CYP39A1: variants seen among roughly 807,000 people sequenced by gnomAD.
CYP39A1 encodes 24-hydroxycholesterol 7-alpha-hydroxylase.
In CYP39A1, 49 loss-of-function variants were observed where a neutral mutation model predicts 58.1. The ratio of observed to expected loss-of-function variants is 0.84; its 90% CI spans 0.67 to 1.07. The LOEUF is 1.07. Among genes scored for constraint, CYP39A1 ranks in the 50% least tolerant of loss-of-function variants. CYP39A1 has a pLI of 0.00. For missense variants in CYP39A1, 531 were observed against 539.4 expected (o/e 0.98, Z 0.16); for synonymous variants, 209 against 187.6 (o/e 1.11, Z -0.93).
intron 10 of CYP39A1, among the ~76,000 whole-genome samples, chr6:46,567,669 T>C (rs143952668): frequency 6.6e-6 from 1 of 152,152 alleles, no homozygotes; most frequent in Non-Finnish European, 1.5e-5. Flanking sequence ...CTAATGGATA[T>C]GCCAACTCAA....
intron 10 of CYP39A1, among the ~76,000 whole-genome samples, chr6:46,558,686 T>C (rs147112018): frequency 1.4e-4 from 22 of 152,104 alleles, no homozygotes; most frequent in Admixed American, 1.1e-3. Context: ...ATTTAGATTA[T>C]AGCATGCATT....
At chr6:46,577,674 G>A (rs1090733) in intron 10 of CYP39A1, among the ~76,000 whole-genome samples, 9,052 of 151,944 alleles carry the variant, frequency 0.06, 636 homozygotes, top group African/African-American at 0.17. Flanking sequence ...TGCTCAAAAA[G>A]GACAAAGAAG....
intron 10 of CYP39A1, among the ~76,000 whole-genome samples, chr6:46,556,500 A>G (rs529317323): frequency 2.0e-5 from 3 of 152,280 alleles, no homozygotes; most frequent in African/African-American, 7.2e-5. Context: ...ACTGAGACGG[A>G]AAAAGAACCA....
intron 10 of CYP39A1, among the ~76,000 whole-genome samples, chr6:46,585,134 AT>A (rs1772391178): frequency 1.3e-5 from 2 of 152,106 alleles, no homozygotes; most frequent in African/African-American, 4.8e-5. Flanking sequence ...ACTCAAAAAA[AT>A]GTCTGTTAGC....
intron 5 of CYP39A1, among the ~76,000 whole-genome samples, chr6:46,631,619 C>G (rs560432137): frequency 6.6e-6 from 1 of 152,188 alleles, no homozygotes; most frequent in Non-Finnish European, 1.5e-5. Flanking sequence ...CTGGTGCATT[C>G]AGGAGAAAAC....
intron 7 of CYP39A1, among the ~76,000 whole-genome samples, chr6:46,603,112 G>A (rs544636182): frequency 2.0e-5 from 3 of 152,154 alleles, no homozygotes; most frequent in Non-Finnish European, 4.4e-5. Flanking sequence ...TCCCCTGTAT[G>A]CAGCCATAGC....
intron 10 of CYP39A1, among the ~76,000 whole-genome samples, chr6:46,566,221 A>C (rs1481097550): frequency 6.6e-6 from 1 of 152,234 alleles, no homozygotes; most frequent in Non-Finnish European, 1.5e-5. Flanking sequence ...TAAAATTTCC[A>C]TACAAATGAG....
At chr6:46,643,442 C>A (rs1357693554) in intron 1 of CYP39A1, among the ~76,000 whole-genome samples, 1 of 152,204 alleles carries the variant, frequency 6.6e-6, no homozygotes, top group Admixed American at 6.5e-5. Context: ...CATTAAGCCA[C>A]CAGAAAATGA....
intron 6 of CYP39A1, among the ~76,000 whole-genome samples, chr6:46,629,226 C>T (rs940427022): frequency 3.9e-5 from 6 of 152,266 alleles, no homozygotes; most frequent in East Asian, 3.9e-4. Context: ...TTCAGACCAG[C>T]GCCAAGAACA....
At chr6:46,594,419 G>A (rs774538977) in intron 8 of CYP39A1, among the ~76,000 whole-genome samples, 4 of 151,854 alleles carry the variant, frequency 2.6e-5, no homozygotes, top group African/African-American at 4.8e-5. Flanking sequence ...ATATTATAAA[G>A]CTACAGTAAT....
intron 7 of CYP39A1, among the ~76,000 whole-genome samples, chr6:46,622,996 G>C (rs1775063000): frequency 6.6e-6 from 1 of 152,180 alleles, no homozygotes; most frequent in South Asian, 2.1e-4. Context: ...TTATAAGAAA[G>C]TTGGGCAAAG....
chr6:46,629,950 G>T (rs1419631597), intron 6 of CYP39A1, among the ~76,000 whole-genome samples: 1 of 151,552 alleles, frequency 6.6e-6, no homozygotes, highest in Non-Finnish European at 1.5e-5. Context: ...CAGTTTTTTA[G>T]CCGGGCCCAG....
chr6:46,570,181 T>C (rs986508673), intron 10 of CYP39A1, among the ~76,000 whole-genome samples: 10 of 152,172 alleles, frequency 6.6e-5, no homozygotes, highest in Non-Finnish European at 1.3e-4. Context: ...CTATGTGTTA[T>C]CTGTTGTCCT....
At chr6:46,550,670 C>T (rs1033530) in intron 11 of CYP39A1, among the ~76,000 whole-genome samples, 12,270 of 152,160 alleles carry the variant, frequency 0.081, 834 homozygotes, top group Admixed American at 0.18. Context: ...TTTAGTTGTA[C>T]ACACCTGAAG....
intron 10 of CYP39A1, among the ~76,000 whole-genome samples, chr6:46,563,778 C>T (rs1191878911): frequency 1.3e-5 from 2 of 151,994 alleles, no homozygotes; most frequent in African/African-American, 2.4e-5. Context: ...AAAACATGGG[C>T]AAGGGGAGGA....
chr6:46,648,607 A>G (rs528764539), intron 1 of CYP39A1, among the ~76,000 whole-genome samples: 1 of 152,102 alleles, frequency 6.6e-6, no homozygotes, highest in Non-Finnish European at 1.5e-5. Context: ...AACATGGCAC[A>G]TGTATACATA....
chr6:46,588,064 CT>C lies in CYP39A1; in HGVS notation c.1130del (p.Lys377SerfsTer19). 6.3e-7 allele frequency: 1 copy of C among 1,588,908 alleles called. No individual in the cohort carries two copies. Among genetic ancestry groups the C allele is most frequent in the Non-Finnish European group, 8.6e-7 (1 of 1,166,680 alleles). On this transcript the variant is annotated frameshift_variant, in exon 9 of 12. Coordinates refer to ENST00000275016, the MANE Select transcript of CYP39A1 (RefSeq NM_016593.5). LOFTEE classifies it high-confidence loss of function. ...LSPFWLHRNP[K>X]YFPEPELFKP... is the part of the protein sequence containing the mutation. Reference sequence around the variant, plus strand: ...TGAACAATTCAGGCTCAGGAAAATACTTTGGATTTCTATGCAGCCAAAATGG... The same window carrying C: ...TGAACAATTCAGGCTCAGGAAAATACTTGGATTTCTATGCAGCCAAAATGG...
At chr6:46,634,489 TG>T (rs1775844565) in intron 5 of CYP39A1, among the ~76,000 whole-genome samples, 1 of 151,708 alleles carries the variant, frequency 6.6e-6, no homozygotes, top group African/African-American at 2.4e-5. Flanking sequence ...CTAGAGGTAT[TG>T]TTGGTAGGGA....
chr6:46,622,381 A>C (rs2150567964), intron 7 of CYP39A1, among the ~76,000 whole-genome samples: 1 of 152,178 alleles, frequency 6.6e-6, no homozygotes, highest in Middle Eastern at 3.4e-3. Context: ...TGCATGTTAC[A>C]TGCACACAAA....
Sources: allele counts gnomAD v4.1 joint callset (sites outside exome capture counted in the v4.1 genomes callset), GRCh38; gene constraint gnomAD v4.1.1; transcripts MANE v1.5; gene names NCBI Gene and HGNC (gene_info 2026-07-23, HGNC 2026-07-21).